RPS6KC1: variants seen among roughly 807,000 people sequenced by gnomAD.
The protein encoded by RPS6KC1 is inactive ribosomal protein S6 kinase delta-1.
In RPS6KC1, 54 loss-of-function variants were observed where a neutral mutation model predicts 103.8. The ratio of observed to expected loss-of-function variants is 0.52; its 90% CI spans 0.42 to 0.65. RPS6KC1 has a LOEUF of 0.65. Ranked by LOEUF, RPS6KC1 falls within the 30% of genes least tolerant of loss-of-function variation. The probability of loss-of-function intolerance (pLI) is 0.00; values close to 1 mark genes in which losing one functional copy is unlikely to be tolerated. For synonymous variants in RPS6KC1, 439 were observed against 438.7 expected (o/e 1.00, Z -0.01); for missense variants, 1,151 against 1,253.8 (o/e 0.92, Z 1.24).
intron 3 of RPS6KC1, among the ~76,000 whole-genome samples, chr1:213,087,893 C>T (rs1310394223): frequency 6.6e-6 from 1 of 152,174 alleles, no homozygotes; most frequent in Non-Finnish European, 1.5e-5. Context: ...CCTGCCAACA[C>T]ATTTTGGACT....
At chr1:213,392,620 A>T in the RPS6KC1 span, among the ~76,000 whole-genome samples, 1 of 152,202 alleles carries the variant, frequency 6.6e-6, no homozygotes, top group African/African-American at 2.4e-5. Flanking sequence ...GCCACATCTT[A>T]TGCATCTTTG....
chr1:213,091,281 CGAT>C (rs1558297940), intron 3 of RPS6KC1, among the ~76,000 whole-genome samples: 1 of 151,858 alleles, frequency 6.6e-6, no homozygotes. Context: ...AGGATGATCT[CGAT>C]CTCCTGACCT....
chr1:213,252,300 G>A (rs2094560150), intron 12 of RPS6KC1, among the ~76,000 whole-genome samples: 1 of 152,166 alleles, frequency 6.6e-6, no homozygotes, highest in African/African-American at 2.4e-5. Context: ...TAGCTGACAT[G>A]GAATGCTCAT....
At chr1:213,608,601 T>A in the RPS6KC1 span, among the ~76,000 whole-genome samples, 24 of 152,012 alleles carry the variant, frequency 1.6e-4, no homozygotes, top group African/African-American at 5.6e-4. Flanking sequence ...TTAAGCAAGT[T>A]CCTGATTATA....
the RPS6KC1 span, among the ~76,000 whole-genome samples, chr1:213,430,002 C>T: frequency 2.0e-5 from 3 of 152,124 alleles, no homozygotes; most frequent in Non-Finnish European, 2.9e-5. Context: ...TATTCTGAGG[C>T]CTGGGGAAAG....
the RPS6KC1 span, among the ~76,000 whole-genome samples, chr1:213,568,952 G>A: frequency 2.0e-5 from 3 of 152,242 alleles, no homozygotes; most frequent in Non-Finnish European, 2.9e-5. Flanking sequence ...CATGGCCACT[G>A]TTGCAGCAGC....
the RPS6KC1 span, among the ~76,000 whole-genome samples, chr1:213,704,383 CT>C: frequency 1.2e-5 from 1 of 82,726 alleles, no homozygotes; most frequent in African/African-American, 5.5e-5. Flanking sequence ...GAGACTCCGT[CT>C]CAAAAAAAAA....
At chr1:213,807,359 A>C in the RPS6KC1 span, among the ~76,000 whole-genome samples, 1 of 152,150 alleles carries the variant, frequency 6.6e-6, no homozygotes, top group Non-Finnish European at 1.5e-5. Context: ...CTCCTGGATA[A>C]TATCCTGCAG....
the RPS6KC1 span, among the ~76,000 whole-genome samples, chr1:213,859,331 G>A: frequency 2.0e-5 from 3 of 152,160 alleles, no homozygotes; most frequent in Non-Finnish European, 4.4e-5. Context: ...TTTAGCAAAA[G>A]CATTATTAAC....
the RPS6KC1 span, among the ~76,000 whole-genome samples, chr1:213,681,251 G>T: frequency 1.0e-3 from 152 of 152,294 alleles, no homozygotes; most frequent in African/African-American, 3.6e-3. Context: ...CGCACATGTC[G>T]CTGGTCACAG....
the RPS6KC1 span, among the ~76,000 whole-genome samples, chr1:213,498,221 T>G: frequency 1.3e-5 from 2 of 152,166 alleles, no homozygotes; most frequent in Admixed American, 1.3e-4. Context: ...TGAATATATA[T>G]GATGAATATA....
At chr1:213,138,889 T>C (rs2086691125) in intron 6 of RPS6KC1, among the ~76,000 whole-genome samples, 1 of 152,218 alleles carries the variant, frequency 6.6e-6, no homozygotes, top group Non-Finnish European at 1.5e-5. Context: ...GTTGTTGGAT[T>C]GAATGGTAGT....
chr1:213,742,962 G>A, the RPS6KC1 span, among the ~76,000 whole-genome samples: 3 of 152,254 alleles, frequency 2.0e-5, no homozygotes, highest in African/African-American at 7.2e-5. Context: ...TTCAGCCACT[G>A]TGGAAAGCAG....
the RPS6KC1 span, among the ~76,000 whole-genome samples, chr1:213,567,407 A>G: frequency 6.6e-6 from 1 of 152,202 alleles, no homozygotes; most frequent in East Asian, 1.9e-4. Context: ...GTGGACACTT[A>G]CACTTAAGTC....
At chr1:213,363,593 CCTTGCTCG>C in the RPS6KC1 span, among the ~76,000 whole-genome samples, 7,792 of 105,984 alleles carry the variant, frequency 0.074, 1,240 homozygotes, top group African/African-American at 0.21. Context: ...ATTCTTTAGC[CCTTGCTCG>C]CTCGCTTGCT....
chr1:213,697,443 G>A, the RPS6KC1 span, among the ~76,000 whole-genome samples: 1 of 152,242 alleles, frequency 6.6e-6, no homozygotes, highest in East Asian at 1.9e-4. Flanking sequence ...GCTTTGGAGT[G>A]GGTTACTGAA....
chr1:213,507,642 T>G, the RPS6KC1 span, among the ~76,000 whole-genome samples: 4 of 151,848 alleles, frequency 2.6e-5, no homozygotes, highest in Non-Finnish European at 5.9e-5. Flanking sequence ...CACACTGCAT[T>G]GCGGGCCTCC....
At chr1:213,620,385 T>C in the RPS6KC1 span, among the ~76,000 whole-genome samples, 105,468 of 152,126 alleles carry the variant, frequency 0.69, 36,761 homozygotes, top group African/African-American at 0.76. Context: ...TTCAGTTGTG[T>C]CCCACTTCTC....
At chr1:213,515,080 G>GT in the RPS6KC1 span, among the ~76,000 whole-genome samples, 2 of 151,864 alleles carry the variant, frequency 1.3e-5, no homozygotes, top group Admixed American at 6.6e-5. Flanking sequence ...AGAGTTGTTT[G>GT]TTTTTTTCTT....
Sources: allele counts gnomAD v4.1 joint callset (sites outside exome capture counted in the v4.1 genomes callset), GRCh38; gene constraint gnomAD v4.1.1; transcripts MANE v1.5; gene names NCBI Gene and HGNC (gene_info 2026-07-23, HGNC 2026-07-21).